The following SOX5 variants were observed in gnomAD, a reference collection of about 807,000 sequenced individuals.
The protein encoded by SOX5 is transcription factor SOX-5.
A neutral mutation model predicts 92.0 loss-of-function variants in SOX5; 9 were observed. That is an observed-to-expected ratio of 0.10 (90% confidence interval 0.06 to 0.17). SOX5 has a LOEUF of 0.17. Ranked by LOEUF, SOX5 falls within the 10% of genes least tolerant of loss-of-function variation. SOX5 has a pLI of 1.00. For missense variants in SOX5, 642 were observed against 944.5 expected (o/e 0.68, Z 4.20); for synonymous variants, 344 against 336.3 (o/e 1.02, Z -0.25).
intron 1 of SOX5, among the ~76,000 whole-genome samples, chr12:24,541,456 A>C (rs1413391593): frequency 6.6e-6 from 1 of 152,038 alleles, no homozygotes; most frequent in Non-Finnish European, 1.5e-5. Context: ...CAATATGACT[A>C]TGACAATGGG....
intron 9 of SOX5, among the ~76,000 whole-genome samples, chr12:23,591,250 A>G (rs1951503546): frequency 6.6e-6 from 1 of 152,094 alleles, no homozygotes; most frequent in East Asian, 1.9e-4. Flanking sequence ...AGATTGAAAC[A>G]GTGAAAATGA....
At chr12:23,558,734 C>T (rs1319158833) in intron 11 of SOX5, among the ~76,000 whole-genome samples, 1 of 152,182 alleles carries the variant, frequency 6.6e-6, no homozygotes, top group Admixed American at 6.5e-5. Context: ...TCTTGAGTAG[C>T]TGGGATTACA....
chr12:24,023,754 T>G (rs1334788437), intron 4 of SOX5, among the ~76,000 whole-genome samples: 1 of 152,226 alleles, frequency 6.6e-6, no homozygotes, highest in East Asian at 1.9e-4. Flanking sequence ...TATTTGTCTA[T>G]TTTATTTATC....
intron 3 of SOX5, among the ~76,000 whole-genome samples, chr12:23,813,037 A>C (rs1343584819): frequency 6.6e-6 from 1 of 152,170 alleles, no homozygotes; most frequent in African/African-American, 2.4e-5. Flanking sequence ...ATTTTCAGAA[A>C]ATCTAATTGT....
At chr12:24,327,654 G>A (rs919230978) in intron 2 of SOX5, among the ~76,000 whole-genome samples, 6 of 151,642 alleles carry the variant, frequency 4.0e-5, no homozygotes, top group African/African-American at 1.2e-4. Context: ...CGCATTCTCC[G>A]CTCACTGCAA....
chr12:23,676,735 A>G (rs549034663), intron 6 of SOX5, among the ~76,000 whole-genome samples: 6 of 152,362 alleles, frequency 3.9e-5, no homozygotes, highest in African/African-American at 1.4e-4. Context: ...GCCTTGAATT[A>G]TGGCACTTTT....
intron 4 of SOX5, among the ~76,000 whole-genome samples, chr12:24,114,481 T>G (rs1450479691): frequency 7.6e-6 from 1 of 132,334 alleles, no homozygotes; most frequent in African/African-American, 2.9e-5. Context: ...GAAGCTGAGG[T>G]GGGAGGATTG....
At chr12:24,121,885 CAAAAAA>C (rs900951883) in intron 4 of SOX5, among the ~76,000 whole-genome samples, 1 of 48,258 alleles carries the variant, frequency 2.1e-5, no homozygotes, top group African/African-American at 8.5e-5. Context: ...GACTCTATCT[CAAAAAA>C]AAAAAAAAAA....
rs183456814 is a variant in SOX5, at chr12:23,534,371, C to T, written c.2140G>A (p.Gly714Ser). 9.9e-6 allele frequency: 16 copies of T among 1,614,108 alleles called. No individual in the cohort carries two copies. The highest frequency in any genetic ancestry group is 1.6e-4 in the Middle Eastern group (1 of 6,062). The change falls in exon 15 of 15, where the codon GGT becomes AGT. Residue 714 changes from glycine (G) to serine (S), a missense_variant. Gly to Ser is a moderately conservative substitution (Grantham distance 56). This residue lies in a region of SOX5 where 130 missense variants were observed against 140.6 expected (regional missense o/e 0.92). Transcript: ENST00000451604. ...ATATGTGGCTCCTCTCCTTTCACAC[C>T]GTAAGTGCTCTGGATAACAGGCATC... is the stretch of plus-strand genomic sequence containing the variant. The part of the protein sequence containing the change: ...PGMPVIQSTY[G>S]VKGEEPHIKE...
chr12:23,708,484 C>T (rs976101037), intron 6 of SOX5, among the ~76,000 whole-genome samples: 1 of 152,016 alleles, frequency 6.6e-6, no homozygotes, highest in East Asian at 1.9e-4. Context: ...AGGCAAAAAC[C>T]AAACATTTAA....
At chr12:24,348,049 C>CAAAA (rs1182462748) in intron 2 of SOX5, among the ~76,000 whole-genome samples, 807 of 72,530 alleles carry the variant, frequency 0.011, no homozygotes, top group Middle Eastern at 0.027. Flanking sequence ...TACAGCTAAT[C>CAAAA]AAAAAAAAAA....
intron 3 of SOX5, among the ~76,000 whole-genome samples, chr12:24,241,745 C>G (rs577177203): frequency 6.6e-6 from 1 of 152,246 alleles, no homozygotes; most frequent in African/African-American, 2.4e-5. Flanking sequence ...GCAGCTCTGG[C>G]AAACAAGCAA....
chr12:23,831,490 A>T (rs1220370782), intron 3 of SOX5, among the ~76,000 whole-genome samples: 4 of 152,066 alleles, frequency 2.6e-5, no homozygotes, highest in African/African-American at 9.7e-5. Context: ...AAATCCTGGT[A>T]TTTCCTTTAC....
At chr12:24,245,726 A>G (rs1444883735) in intron 3 of SOX5, among the ~76,000 whole-genome samples, 1 of 152,212 alleles carries the variant, frequency 6.6e-6, no homozygotes, top group Non-Finnish European at 1.5e-5. Flanking sequence ...TTAAAACCCA[A>G]CCAGCAACAA....
At chr12:23,827,176 C>T (rs1037099166) in intron 3 of SOX5, among the ~76,000 whole-genome samples, 1 of 152,170 alleles carries the variant, frequency 6.6e-6, no homozygotes, top group Non-Finnish European at 1.5e-5. Flanking sequence ...AAAAAGACAT[C>T]TCGTTATCTG....
chr12:24,065,234 A>C (rs868834031), intron 4 of SOX5, among the ~76,000 whole-genome samples: 8 of 152,130 alleles, frequency 5.3e-5, no homozygotes, highest in Non-Finnish European at 8.8e-5. Context: ...GTTCTTACCT[A>C]ATCACTCTGT....
At chr12:23,926,216 T>C (rs559398275) in intron 1 of SOX5, among the ~76,000 whole-genome samples, 2 of 152,244 alleles carry the variant, frequency 1.3e-5, no homozygotes, top group South Asian at 4.1e-4. Flanking sequence ...TTGTATTCAG[T>C]GGTACATCTC....
chr12:24,425,285 G>A (rs1280035192), intron 1 of SOX5, among the ~76,000 whole-genome samples: 3 of 152,284 alleles, frequency 2.0e-5, no homozygotes, highest in Admixed American at 6.5e-5. Flanking sequence ...TTAATCTGTA[G>A]AAAAGGACCC....
At chr12:24,193,528 T>C (rs1377697408) in intron 4 of SOX5, among the ~76,000 whole-genome samples, 3 of 152,216 alleles carry the variant, frequency 2.0e-5, no homozygotes, top group African/African-American at 7.2e-5. Context: ...CACATTTTAA[T>C]AGAAAATGTA....
Sources: gnomAD v4.1 joint callset for allele counts (sites outside exome capture counted in the v4.1 genomes callset) on GRCh38, gnomAD v4.1.1 for gene constraint, gnomAD v4.1.1 regional missense constraint, MANE v1.5 for transcripts, NCBI Gene and HGNC (gene_info 2026-07-23, HGNC 2026-07-21) for gene names.